The following TRIM66 variants were observed in gnomAD, a reference collection of about 807,000 sequenced individuals.
TRIM66 encodes the protein tripartite motif containing 66.
TRIM66 carries 99 observed loss-of-function variants against 148.2 expected under a neutral mutation model. The ratio of observed to expected loss-of-function variants is 0.67; its 90% CI spans 0.57 to 0.79. TRIM66 has a LOEUF of 0.79. Ranked by LOEUF, TRIM66 falls within the 30% of genes least tolerant of loss-of-function variation. The pLI is 0.00. For synonymous variants in TRIM66, 616 were observed against 635.9 expected (o/e 0.97, Z 0.47); for missense variants, 1,666 against 1,697.9 (o/e 0.98, Z 0.33).
At chr11:8,677,354 T>G (rs562802886) in intron 3 of TRIM66, among the ~76,000 whole-genome samples, 95 of 152,318 alleles carry the variant, frequency 6.2e-4, no homozygotes, top group East Asian at 1.7e-3. Context: ...GCACCTAGCA[T>G]AGGAACATAG....
chr11:8,682,851 C>T (rs189117738), upstream of TRIM66: 10 of 1,604,586 alleles, frequency 6.2e-6, no homozygotes, highest in South Asian at 5.6e-5. Context: ...TCTTCCTTGC[C>T]GGCGGAGACC....
At chr11:8,657,653 C>T (rs1399942007) in intron 6 of TRIM66, among the ~76,000 whole-genome samples, 1 of 152,146 alleles carries the variant, frequency 6.6e-6, no homozygotes, top group African/African-American at 2.4e-5. Context: ...GGCTGGACAT[C>T]CTCACCAACA....
intron 12 of TRIM66, among the ~76,000 whole-genome samples, chr11:8,643,563 C>T (rs1482421049): frequency 1.3e-5 from 2 of 152,022 alleles, no homozygotes; most frequent in African/African-American, 2.4e-5. Context: ...AGGATGGTCT[C>T]GATCTCCTGA....
chr11:8,625,264 C>G (rs2034711287), intron 15 of TRIM66, 36 bp from the exon 16 acceptor site: 1 of 1,460,546 alleles, frequency 6.8e-7, no homozygotes, highest in South Asian at 1.4e-5. Context: ...AGTCAGGCTG[C>G]TAGCTGGGAA....
At chr11:8,682,836 C>A, upstream of TRIM66, 2 of 1,609,548 alleles carry the variant, frequency 1.2e-6, no homozygotes, top group Non-Finnish European at 1.7e-6. Flanking sequence ...TCGTTTCTTG[C>A]CTCCTCTTCC....
intron 1 of TRIM66, chr11:8,680,763 CT>C (rs959974704): frequency 6.6e-6 from 1 of 152,222 alleles, no homozygotes; most frequent in African/African-American, 2.4e-5. Flanking sequence ...AGACCATGTA[CT>C]GTGAAAAGAT....
At chr11:8,646,364 C>T (rs186181468) in intron 11 of TRIM66, 83 bp downstream of exon 11, 4 of 1,141,250 alleles carry the variant, frequency 3.5e-6, no homozygotes, top group Non-Finnish European at 5.2e-6. Flanking sequence ...GAATTACAGC[C>T]TAGGCTTCCC....
chr11:8,675,683 G>A (rs2039145293), intron 3 of TRIM66, among the ~76,000 whole-genome samples: 1 of 152,054 alleles, frequency 6.6e-6, no homozygotes, highest in Admixed American at 6.6e-5. Context: ...CACCCGGCCT[G>A]CCAGTTGTCC....
intron 6 of TRIM66, among the ~76,000 whole-genome samples, chr11:8,659,664 C>T (rs891578417): frequency 4.6e-5 from 7 of 152,186 alleles, no homozygotes; most frequent in Admixed American, 4.6e-4. Flanking sequence ...AAACCCAAAT[C>T]TCTTGTGTGT....
At chr11:8,621,416 T>G in intron 19 of TRIM66, 95 bp from the exon 20 acceptor site, 1 of 1,435,370 alleles carries the variant, frequency 7.0e-7, no homozygotes, top group Non-Finnish European at 9.2e-7. Flanking sequence ...CATGCCTACA[T>G]GAGAGCCACT....
At chr11:8,627,290 C>T (rs2141921455) in intron 15 of TRIM66, among the ~76,000 whole-genome samples, 1 of 152,310 alleles carries the variant, frequency 6.6e-6, no homozygotes, top group Middle Eastern at 3.4e-3. Flanking sequence ...ACTGTTTATT[C>T]TACAAATCTT....
At chr11:8,621,368 G>A (rs1592004922) in intron 19 of TRIM66, 47 bp from the exon 20 acceptor site, 1 of 1,515,114 alleles carries the variant, frequency 6.6e-7, no homozygotes, top group Non-Finnish European at 8.9e-7. Flanking sequence ...GAACCAACAA[G>A]CTCTCGAGGG....
At chr11:8,665,234 G>T (rs1188508125) in intron 6 of TRIM66, among the ~76,000 whole-genome samples, 1 of 152,104 alleles carries the variant, frequency 6.6e-6, no homozygotes, top group Non-Finnish European at 1.5e-5. Flanking sequence ...TCCAAACATG[G>T]CTTCTCAAAC....
At chr11:8,648,651 A>C (rs1321495601) in intron 8 of TRIM66, 103 bp from the exon 9 acceptor site, 2 of 1,354,494 alleles carry the variant, frequency 1.5e-6, no homozygotes, top group Non-Finnish European at 2.0e-6. Context: ...ACACTGCAGA[A>C]ATACAGAGCT....
chr11:8,625,624 C>A (rs7941744), intron 15 of TRIM66, among the ~76,000 whole-genome samples: 130,691 of 152,116 alleles, frequency 0.86, 56,441 homozygotes, highest in South Asian at 0.91. Context: ...GCAAAGGGTC[C>A]GGCTGTGGGA....
At chr11:8,651,951 T>C (rs1321316558) in intron 6 of TRIM66, 48 bp from the exon 7 acceptor site, 29 of 1,461,962 alleles carry the variant, frequency 2.0e-5, no homozygotes, top group African/African-American at 7.0e-5. Flanking sequence ...TGGCTGATTA[T>C]AACTAAGGCC....
chr11:8,618,701 G>A (rs963035086), intron 24 of TRIM66, 49 bp downstream of exon 24: 1 of 1,515,130 alleles, frequency 6.6e-7, no homozygotes, highest in Admixed American at 2.0e-5. Flanking sequence ...GTGCCCCTCT[G>A]CTTGCCTGAT....
intron 6 of TRIM66, among the ~76,000 whole-genome samples, chr11:8,666,477 C>T (rs1036252073): frequency 1.3e-5 from 2 of 149,754 alleles, no homozygotes; most frequent in South Asian, 4.2e-4. Flanking sequence ...TTCACATGTT[C>T]TCAAGTTCTA....
chr11:8,639,521 A>C (rs779780268), intron 14 of TRIM66, among the ~76,000 whole-genome samples: 18 of 152,244 alleles, frequency 1.2e-4, no homozygotes, highest in Admixed American at 6.5e-4. Flanking sequence ...TGTGGAAAGA[A>C]GACTTCTGTG....
Sources: allele counts gnomAD v4.1 joint callset (sites outside exome capture counted in the v4.1 genomes callset), GRCh38; gene constraint gnomAD v4.1.1; transcripts MANE v1.5; gene names NCBI Gene and HGNC (gene_info 2026-07-23, HGNC 2026-07-21).